The following METAP1 variants were observed in gnomAD, a reference collection of about 807,000 sequenced individuals.
The protein encoded by METAP1 is methionine aminopeptidase 1.
Under a neutral mutation model 53.8 loss-of-function variants are expected in METAP1, and 28 were observed. That is an observed-to-expected ratio of 0.52 (90% CI 0.39 to 0.71). The LOEUF (loss-of-function observed/expected upper bound fraction) is 0.71, where lower values mean the gene tolerates loss of function less well. Ranked by LOEUF, METAP1 falls within the 30% of genes least tolerant of loss-of-function variation. The pLI is 0.00. For missense variants in METAP1, 389 were observed against 479.8 expected, an observed-to-expected ratio of 0.81 and a Z score of 1.77; for synonymous variants, 181 against 165.7, an observed-to-expected ratio of 1.09 and a Z score of -0.71.
intron 9 of METAP1, among the ~76,000 whole-genome samples, chr4:99,050,295 C>G (rs1014391470): frequency 3.9e-5 from 6 of 152,112 alleles, no homozygotes. Flanking sequence ...ACTTGTATGT[C>G]GGAATCTTCA....
chr4:99,015,067 T>C (rs1723678841), intron 1 of METAP1, among the ~76,000 whole-genome samples: 1 of 152,148 alleles, frequency 6.6e-6, no homozygotes, highest in African/African-American at 2.4e-5. Context: ...TCCAAATCCG[T>C]CGCATGTGAA....
At chr4:99,022,956 G>T in intron 1 of METAP1, 2 of 1,487,742 alleles carry the variant, frequency 1.3e-6, no homozygotes, top group East Asian at 2.6e-5. Context: ...GGACATGTAG[G>T]GGCTGGAAGT....
intron 1 of METAP1, among the ~76,000 whole-genome samples, chr4:98,998,496 C>T (rs1457283053): frequency 6.6e-6 from 1 of 152,180 alleles, no homozygotes; most frequent in Non-Finnish European, 1.5e-5. Context: ...GCACTCTATC[C>T]TGGGCAACAG....
In METAP1 at chr4:98,995,771, G is replaced by T. The variant is rs1722586082; in HGVS notation, c.18G>T (p.Thr6=). MAAVE[T]RVCETDGCSS... ...CAGGCAGCATGGCGGCCGTGGAGAC[G>T]CGGGTGTGCGAGACAGACGGCTGCA... Residue 6 remains threonine (T), a synonymous_variant, in exon 1 of 11, where the codon ACG becomes ACT. Transcript: ENST00000296411. 8 of 1,544,758 alleles carry T rather than the reference G, an allele frequency of 5.2e-6. No homozygotes were observed. The highest frequency in any genetic ancestry group is 7.0e-6 in the Non-Finnish European group (8 of 1,143,858).
chr4:98,995,886 G>A lies in METAP1; in HGVS notation c.114+19G>A, dbSNP rs1722591689. 6.6e-7 allele frequency: 1 copy of A among 1,522,208 alleles called. No individual in the cohort carries two copies. The allele number at this position is 1,522,208 out of a possible 1,614,324, so 94.3% of individuals were successfully genotyped here. ...CTCGCAGGTAGGCGCCCGCTGCCCC[G>A]CGGATATGCCGCCGCTGCGGGACCC... On this transcript the variant is annotated intron_variant, in intron 1 of 10. Coordinates refer to ENST00000296411, the MANE Select transcript of METAP1 (RefSeq NM_015143.3).
At chr4:99,051,832 G>T (rs1272128550) in intron 9 of METAP1, among the ~76,000 whole-genome samples, 1 of 150,776 alleles carries the variant, frequency 6.6e-6, no homozygotes, top group Non-Finnish European at 1.5e-5. Context: ...GCTTTAGTTT[G>T]TAACTCTATA....
intron 9 of METAP1, 117 bp downstream of exon 9, chr4:99,048,993 G>C (rs954968513): frequency 1.1e-5 from 13 of 1,221,348 alleles, no homozygotes; most frequent in Admixed American, 2.3e-5. Context: ...AGCTGTAATA[G>C]ATAGATTCCC....
intron 1 of METAP1, among the ~76,000 whole-genome samples, chr4:99,028,458 G>T (rs560739624): frequency 6.6e-6 from 1 of 152,210 alleles, no homozygotes; most frequent in South Asian, 2.1e-4. Context: ...ACTTACATGG[G>T]TGATTTTAGT....
At chr4:99,018,722 C>A (rs1723920406) in intron 1 of METAP1, among the ~76,000 whole-genome samples, 2 of 152,174 alleles carry the variant, frequency 1.3e-5, no homozygotes, top group Admixed American at 1.3e-4. Context: ...TAGGTAGGAT[C>A]CATCAGGCTT....
intron 1 of METAP1, chr4:99,026,519 G>C (rs1724574829): frequency 1.0e-6 from 1 of 985,208 alleles, no homozygotes; most frequent in Non-Finnish European, 1.2e-6. Context: ...TTATACAAAG[G>C]GAAGAGATTG....
chr4:99,009,407 G>A (rs551876187), intron 1 of METAP1, among the ~76,000 whole-genome samples: 15 of 152,262 alleles, frequency 9.9e-5, no homozygotes, highest in African/African-American at 3.6e-4. Flanking sequence ...TGGATCACAC[G>A]ATTATTTGTT....
intron 1 of METAP1, among the ~76,000 whole-genome samples, chr4:99,024,771 G>C (rs1724434082): frequency 6.6e-6 from 1 of 152,186 alleles, no homozygotes; most frequent in South Asian, 2.1e-4. Context: ...AAGGCAGTCT[G>C]GTCTCCAGGA....
chr4:99,035,255 A>G, intron 3 of METAP1, 145 bp from the exon 4 acceptor site: 1 of 619,574 alleles, frequency 1.6e-6, no homozygotes, highest in Non-Finnish European at 2.8e-6. Flanking sequence ...TAGGAAAAGT[A>G]AAGCATAATC....
At position 99,041,032 on chromosome 4, in the gene METAP1, C is replaced by G. The variant is rs866973317; in HGVS notation, c.433-11C>G. ...GTCTTTTTTAATGTATTGAGTGTTCCTTTTTTACAGCTTGCTAGAGAAGTT... is the reference window on the plus strand; with the variant it reads ...GTCTTTTTTAATGTATTGAGTGTTCGTTTTTTACAGCTTGCTAGAGAAGTT... On this transcript the variant is annotated splice_polypyrimidine_tract_variant and intron_variant, in intron 5 of 10. Coordinates refer to ENST00000296411, the MANE Select transcript of METAP1 (RefSeq NM_015143.3). 1 of 1,599,406 alleles carries G rather than the reference C, an allele frequency of 6.3e-7. No individual in the cohort carries two copies. The highest frequency in any genetic ancestry group is 1.7e-4 in the Middle Eastern group (1 of 6,004).
chr4:99,009,978 C>G (rs1340029887), intron 1 of METAP1, among the ~76,000 whole-genome samples: 2 of 152,160 alleles, frequency 1.3e-5, no homozygotes, highest in African/African-American at 2.4e-5. Context: ...CCCCATTTCC[C>G]TTATGTTTTC....
intron 4 of METAP1, 85 bp downstream of exon 4, chr4:99,035,545 A>C: frequency 2.0e-6 from 2 of 1,014,562 alleles, no homozygotes; most frequent in Non-Finnish European, 1.5e-6. Flanking sequence ...TTCTTGTAGA[A>C]ATTTTTCAGT....
At position 99,026,832 on chromosome 4, in the gene METAP1, C is replaced by T. The variant is rs569546885; in HGVS notation, c.115-2035C>T. 4 of 985,312 alleles carry T rather than the reference C, an allele frequency of 4.1e-6. No homozygotes were observed. The South Asian group carries it at 1.4e-4, about 35-fold the overall frequency. 61.0% of individuals were successfully genotyped at this position (985,312 alleles called of 1,614,324 possible). A position where few individuals can be genotyped will look rare whatever the true frequency, so the allele number is the denominator to read the frequency against. Reference sequence around the variant, plus strand: ...CCATGACTTGGTTGCCTCATGGCCCCAGTAAGGAAGATAAAGATGGGTGTC... The same window carrying T: ...CCATGACTTGGTTGCCTCATGGCCCTAGTAAGGAAGATAAAGATGGGTGTC... On this transcript the variant is annotated intron_variant, in intron 1 of 10. Coordinates refer to ENST00000296411, the MANE Select transcript of METAP1 (RefSeq NM_015143.3).
At chr4:99,025,337 T>G in intron 1 of METAP1, 1 of 974,016 alleles carries the variant, frequency 1.0e-6, no homozygotes, top group Non-Finnish European at 1.2e-6. Context: ...TTTCACTGTT[T>G]GAGTTATAAT....
intron 2 of METAP1, among the ~76,000 whole-genome samples, chr4:99,029,818 A>G (rs763090298): frequency 6.6e-6 from 1 of 152,174 alleles, no homozygotes; most frequent in Non-Finnish European, 1.5e-5. Context: ...AGGTCAGCCA[A>G]ACCACCATTT....
Sources: gnomAD v4.1 joint callset for allele counts (sites outside exome capture counted in the v4.1 genomes callset) on GRCh38, gnomAD v4.1.1 for gene constraint, MANE v1.5 for transcripts, NCBI Gene and HGNC (gene_info 2026-07-23, HGNC 2026-07-21) for gene names.